Variants in MCMBP observed in about 807,000 individuals in gnomAD.
MCMBP encodes mini-chromosome maintenance complex-binding protein.
MCMBP carries 31 observed loss-of-function variants against 81.3 expected under a neutral mutation model. The observed-to-expected ratio is 0.38, with a 90% confidence interval of 0.29 to 0.51. The LOEUF is 0.51. Among genes scored for constraint, MCMBP ranks in the 20% least tolerant of loss-of-function variants. The pLI, the probability that MCMBP is intolerant of heterozygous loss-of-function variation, is 0.87. For missense variants in MCMBP, 645 were observed against 772.1 expected (o/e 0.84, Z 1.95); for synonymous variants, 267 against 275.9 (o/e 0.97, Z 0.32).
chr10:119,840,817 A>T lies in MCMBP; in HGVS notation c.1242+26T>A, dbSNP rs766130256. 4 of 1,376,782 alleles carry T rather than the reference A, an allele frequency of 2.9e-6. No individual in the cohort carries two copies. The East Asian group carries it at 7.0e-5, about 24-fold the overall frequency. 85.3% of individuals were successfully genotyped at this position (1,376,782 alleles called of 1,614,324 possible). On this transcript the variant is annotated intron_variant, in intron 11 of 15. Coordinates refer to ENST00000369077, the MANE Select transcript of MCMBP (RefSeq NM_001256378.2). Reference sequence around the variant, plus strand: ...GGATTTTTTAAGTGTGCTTAGGTTTATAATACATATTTATATTCATCTTAC... The same window carrying T: ...GGATTTTTTAAGTGTGCTTAGGTTTTTAATACATATTTATATTCATCTTAC...
Position 119,831,338 on chromosome 10 carries a change from T to C in MCMBP, c.*136A>G, listed in dbSNP as rs1564866574. On this transcript the variant is annotated 3_prime_UTR_variant, in exon 16 of 16. Coordinates refer to ENST00000369077, the MANE Select transcript of MCMBP (RefSeq NM_001256378.2). Reference sequence around the variant, plus strand: ...TGAATATCATATAAACATCAGGTGTTACCAGGCTTGATTTCAGGAAATGTC... The same window carrying C: ...TGAATATCATATAAACATCAGGTGTCACCAGGCTTGATTTCAGGAAATGTC... The C allele has an allele frequency of 3.0e-6, 3 of 1,014,284 alleles. No homozygotes were observed. The highest frequency in any genetic ancestry group is 4.3e-6 in the Non-Finnish European group (3 of 693,512). The allele number at this position is 1,014,284 out of a possible 1,614,324, so 62.8% of individuals were successfully genotyped here.
intron 15 of MCMBP, 98 bp downstream of exon 15, chr10:119,831,914 T>A: frequency 7.9e-7 from 1 of 1,259,338 alleles, no homozygotes; most frequent in Middle Eastern, 1.9e-4. Flanking sequence ...GAAAAGTTCA[T>A]TTCCGTTTTT....
intron 11 of MCMBP, among the ~76,000 whole-genome samples, chr10:119,838,964 A>G (rs933171981): frequency 1.2e-4 from 19 of 152,074 alleles, no homozygotes; most frequent in African/African-American, 4.6e-4. Flanking sequence ...CCAATGAAAC[A>G]AATGGTAGAT....
chr10:119,848,041 A>G (rs1852678034), intron 7 of MCMBP, among the ~76,000 whole-genome samples: 1 of 152,130 alleles, frequency 6.6e-6, no homozygotes, highest in South Asian at 2.1e-4. Context: ...CACTATCTCA[A>G]AACCTATTAA....
At chr10:119,856,375 CAAGA>C (rs1853042676) in intron 5 of MCMBP, among the ~76,000 whole-genome samples, 2 of 152,000 alleles carry the variant, frequency 1.3e-5, no homozygotes, top group Admixed American at 1.3e-4. Flanking sequence ...CAAAAGAAAA[CAAGA>C]AAGAAATGAA....
At position 119,838,544 on chromosome 10, in the gene MCMBP, C is replaced by T. The variant is rs1852329898; in HGVS notation, c.1399G>A (p.Asp467Asn). 6.2e-7 allele frequency: 1 copy of T among 1,613,760 alleles called. No homozygotes were observed. Among genetic ancestry groups the T allele is most frequent in the Non-Finnish European group, 8.5e-7 (1 of 1,179,804 alleles). The change falls in exon 12 of 16, where the codon GAT (aspartate) becomes AAT (asparagine). Residue 467 changes from aspartate to asparagine, a missense_variant. By Grantham distance (23) the Asp-to-Asn change is conservative (BLOSUM62 1). Coordinates refer to ENST00000369077, the MANE Select transcript of MCMBP (RefSeq NM_001256378.2). ...DETLLEQGQL[D>N]TPGVHNVTAL... is the part of the protein sequence containing the mutation. ...ACATCTATGTACGTACCTGGGGTAT[C>T]CAGCTGCCCCTGTTCCAGGAGAGTC...
At chr10:119,851,101 C>T (rs955344829) in intron 6 of MCMBP, among the ~76,000 whole-genome samples, 1 of 151,812 alleles carries the variant, frequency 6.6e-6, no homozygotes, top group Non-Finnish European at 1.5e-5. Context: ...CTCCTGACCT[C>T]AAGTGATGTG....
In MCMBP at chr10:119,847,674, G is replaced by T; in HGVS notation, c.766C>A (p.Leu256Ile). 6.2e-7 allele frequency: 1 copy of T among 1,611,524 alleles called. No homozygotes were observed. The highest frequency in any genetic ancestry group is 8.5e-7 in the Non-Finnish European group (1 of 1,178,754). ...DWDCFKVNDI[L>I]ELYGILSVDP... Reference sequence around the variant, plus strand: ...ACAGACAGTATGCCATATAGCTCAAGAATGTCATTTACTTTGAAACAATCC... The same window carrying T: ...ACAGACAGTATGCCATATAGCTCAATAATGTCATTTACTTTGAAACAATCC... The change falls in exon 8 of 16, where the codon CTT becomes ATT. Residue 256 changes from leucine (L) to isoleucine (I), a missense_variant. Physicochemically the swap from Leu to Ile is conservative, Grantham distance 5 (BLOSUM62 2). Coordinates refer to ENST00000369077, the MANE Select transcript of MCMBP (RefSeq NM_001256378.2).
intron 1 of MCMBP, among the ~76,000 whole-genome samples, chr10:119,863,896 C>G (rs1402177216): frequency 6.6e-6 from 1 of 151,634 alleles, no homozygotes; most frequent in Non-Finnish European, 1.5e-5. Flanking sequence ...GAATAATGAC[C>G]CCCTCCCACC....
At chr10:119,842,331 A>G (rs1290855695) in intron 10 of MCMBP, 141 bp downstream of exon 10, 15 of 834,950 alleles carry the variant, frequency 1.8e-5, no homozygotes, top group Admixed American at 8.4e-5. Context: ...GTGATTTGGT[A>G]TAACAGTTAA....
In MCMBP at chr10:119,831,610, AAC is replaced by A. The variant is rs781109887; in HGVS notation, c.1797-12_1797-11del. 18 of 1,608,234 alleles carry A rather than the reference AAC, an allele frequency of 1.1e-5. No homozygotes were observed. The South Asian group carries it at 1.7e-4, about 15-fold the overall frequency. ...ACTGAGAGACAGACACCTGGTTTGA[AAC>A]ACAGAAACAAATTTAAGTCTAGAGC... On this transcript the variant is annotated splice_polypyrimidine_tract_variant and intron_variant, in intron 15 of 15. Coordinates refer to ENST00000369077, the MANE Select transcript of MCMBP (RefSeq NM_001256378.2).
intron 6 of MCMBP, among the ~76,000 whole-genome samples, chr10:119,850,408 C>T (rs1395541448): frequency 6.6e-6 from 1 of 151,976 alleles, no homozygotes; most frequent in Admixed American, 6.6e-5. Context: ...GAAATATTCC[C>T]GATTTTAACT....
intron 5 of MCMBP, among the ~76,000 whole-genome samples, chr10:119,854,119 C>T (rs1232085793): frequency 6.6e-6 from 1 of 151,304 alleles, no homozygotes; most frequent in Admixed American, 6.6e-5. Flanking sequence ...CAGCTCACTG[C>T]AGCCTCAGCC....
intron 10 of MCMBP, among the ~76,000 whole-genome samples, chr10:119,841,788 C>T (rs992233570): frequency 3.3e-5 from 5 of 152,230 alleles, no homozygotes; most frequent in African/African-American, 1.2e-4. Flanking sequence ...TCAAGGGATG[C>T]GGTGCTAGTG....
At position 119,847,375 on chromosome 10, in the gene MCMBP, T is replaced by C. The variant is rs145144288; in HGVS notation, c.827+238A>G. Among the ~76,000 whole-genome samples, 142 of 152,300 alleles carry C rather than the reference T, an allele frequency of 9.3e-4. 2 individuals carry two copies. The highest frequency in any genetic ancestry group is 1.6e-3 in the Admixed American group (25 of 15,294). On this transcript the variant is annotated intron_variant, in intron 8 of 15. Coordinates refer to ENST00000369077, the MANE Select transcript of MCMBP (RefSeq NM_001256378.2). ...AGAAAGTCAGTACTCTTAGGAAATG[T>C]TGACAAGCAGTTAGGGGTAAAAGGG...
intron 5 of MCMBP, among the ~76,000 whole-genome samples, chr10:119,854,347 T>A (rs1852943182): frequency 6.6e-6 from 1 of 151,704 alleles, no homozygotes; most frequent in South Asian, 2.1e-4. Context: ...TGGTCTGTTT[T>A]TTTAAAATAA....
At chr10:119,839,102 T>G (rs943556793) in intron 11 of MCMBP, among the ~76,000 whole-genome samples, 1 of 152,234 alleles carries the variant, frequency 6.6e-6, no homozygotes, top group Middle Eastern at 3.2e-3. Flanking sequence ...TTCCTCTATA[T>G]TCTTTGAGTT....
At chr10:119,870,956 T>C (rs752248772) in intron 1 of MCMBP, among the ~76,000 whole-genome samples, 2 of 152,226 alleles carry the variant, frequency 1.3e-5, no homozygotes, top group Non-Finnish European at 2.9e-5. Flanking sequence ...TGTACTATGA[T>C]GAGATGTGTC....
intron 8 of MCMBP, 42 bp from the exon 9 acceptor site, chr10:119,843,468 T>G (rs1350110248): frequency 1.3e-6 from 2 of 1,579,448 alleles, no homozygotes; most frequent in South Asian, 2.3e-5. Context: ...GAGACATCAA[T>G]TGCACAGATG....
Sources: gnomAD v4.1 joint callset for allele counts (sites outside exome capture counted in the v4.1 genomes callset) on GRCh38, gnomAD v4.1.1 for gene constraint, MANE v1.5 for transcripts, NCBI Gene and HGNC (gene_info 2026-07-23, HGNC 2026-07-21) for gene names.